Variants in CARMIL3 observed in about 807,000 individuals in gnomAD.
CARMIL3 encodes the protein capping protein, Arp2/3 and myosin-I linker protein 3.
A neutral mutation model predicts 180.8 loss-of-function variants in CARMIL3; 88 were observed. The ratio of observed to expected loss-of-function variants is 0.49; its 90% confidence interval spans 0.41 to 0.58. CARMIL3 has a LOEUF of 0.58. Ranked by LOEUF, CARMIL3 falls within the 20% of genes least tolerant of loss-of-function variation. CARMIL3 has a pLI of 0.00. For synonymous variants in CARMIL3, 696 were observed against 714.5 expected, an observed-to-expected ratio of 0.97 and a Z score of 0.41; for missense variants, 1,548 against 1,787.0, an observed-to-expected ratio of 0.87 and a Z score of 2.41.
At position 24,052,145 on chromosome 14, in the gene CARMIL3, G is replaced by T; in HGVS notation, c.-9G>T. ...CTCCTCTGCAGCAGCCTCAGCAGCA[G>T]CGGCCGCCATGGCCAAGCCCAGCGT... On this transcript the variant is annotated 5_prime_UTR_variant, in exon 1 of 40. Transcript: ENST00000342740. The T allele has an allele frequency of 6.3e-7, 1 of 1,577,850 alleles. No individual in the cohort carries two copies. The highest frequency in any genetic ancestry group is 8.6e-7 in the Non-Finnish European group (1 of 1,167,732).
Position 24,054,652 on chromosome 14 carries a change from G to A in CARMIL3, c.363-59G>A, listed in dbSNP as rs925804203. The A allele has an allele frequency of 1.2e-5, 18 of 1,555,884 alleles. 1 individual carries two copies. The highest frequency in any genetic ancestry group is 3.4e-4 in the Middle Eastern group (2 of 5,932). On this transcript the variant is annotated intron_variant, in intron 5 of 39. Coordinates refer to ENST00000342740, the MANE Select transcript of CARMIL3 (RefSeq NM_138360.4). The surrounding 1 kb of genome is among the most constrained non-coding windows in gnomAD (Gnocchi z 5.1). Reference sequence around the variant, plus strand: ...TTTCCTGGGATGCAGGAGCTATAACGTGGGAAGAACTGAGAGCCTCTTTCC... The same window carrying A: ...TTTCCTGGGATGCAGGAGCTATAACATGGGAAGAACTGAGAGCCTCTTTCC...
At position 24,057,889 on chromosome 14, in the gene CARMIL3, G is replaced by A. The variant is rs1302691568; in HGVS notation, c.1217+10G>A. 6.2e-7 allele frequency: 1 copy of A among 1,613,060 alleles called. No homozygotes were observed. The highest frequency in any genetic ancestry group is 2.2e-5 in the East Asian group (1 of 44,872). ...ACAGCTGCTCCCACAGGTGGGAGAG[G>A]AGGGGGAAGGGAGGACAGGGCAAGA... On this transcript the variant is annotated intron_variant, in intron 15 of 39. Transcript: ENST00000342740.
rs1463197899 is a variant in CARMIL3 at position 24,069,149 on chromosome 14, C to T, written c.3995C>T (p.Pro1332Leu). The change falls in exon 39 of 40, where the codon CCA becomes CTA. Residue 1332 changes from proline to leucine, a missense_variant. Pro to Leu is a moderately conservative substitution (Grantham distance 98, BLOSUM62 -3). This residue lies in a region of CARMIL3 where 668 missense variants were observed against 687.8 expected (regional missense o/e 0.97). Coordinates refer to ENST00000342740, the MANE Select transcript of CARMIL3 (RefSeq NM_138360.4). ...EEPEVQGPPD[P>L]GRRTAPLKPK... ...ATTGTTATTTCAGGGCCCCCTGATC[C>T]AGGCCGGCGGACTGCCCCCCTGAAG... The T allele has an allele frequency of 3.7e-6, 6 of 1,613,916 alleles. No individual in the cohort carries two copies. Among genetic ancestry groups the T allele is most frequent in the Non-Finnish European group, 5.1e-6 (6 of 1,180,000 alleles).
At position 24,058,937 on chromosome 14, in the gene CARMIL3, A is replaced by G. The variant is rs1291878693; in HGVS notation, c.1522A>G (p.Lys508Glu). 6.2e-7 allele frequency: 1 copy of G among 1,614,092 alleles called. No individual in the cohort carries two copies. The highest frequency in any genetic ancestry group is 1.3e-5 in the African/African-American group (1 of 74,926). ...LTLVPALGKN[K>E]SLKHLFLGKN... ...ACTGGTGCCTGCACTTGGCAAGAAC[A>G]AGTCCCTCAAGCACCTGTTTTTGGG... Residue 508 changes from lysine to glutamate, a missense_variant, in exon 19 of 40, where the codon AAG (lysine) becomes GAG (glutamate). Coordinates refer to ENST00000342740, the MANE Select transcript of CARMIL3 (RefSeq NM_138360.4). The surrounding 1 kb of genome is among the most constrained non-coding windows in gnomAD (Gnocchi z 6.4).
intron 11 of CARMIL3, 69 bp from the exon 12 acceptor site, chr14:24,056,553 C>T: frequency 1.3e-6 from 2 of 1,551,976 alleles, no homozygotes; most frequent in Non-Finnish European, 1.8e-6. Context: ...GAGCCCCCAA[C>T]CTGACTCTGT....
chr14:24,069,118 G>A lies in CARMIL3; in HGVS notation c.3983-19G>A, dbSNP rs78975267. ...TGAGCCCCACTCCTGTGTTAGGCCT[G>A]CCTTGATTGTTATTTCAGGGCCCCC... is the stretch of plus-strand genomic sequence containing the variant. On this transcript the variant is annotated intron_variant, in intron 38 of 39. Transcript: ENST00000342740. The A allele has an allele frequency of 2.9e-4, 475 of 1,613,568 alleles. 1 individual carries two copies. In the African/African-American group the frequency reaches 5.7e-3, roughly 19 times the overall value.
intron 31 of CARMIL3, 139 bp downstream of exon 31, chr14:24,063,672 G>A: frequency 1.3e-6 from 1 of 785,816 alleles, no homozygotes; most frequent in East Asian, 2.7e-5. Context: ...ATGAACAGAT[G>A]AGGGATTGCC....
chr14:24,063,197 C>G lies in CARMIL3; in HGVS notation c.2770+14C>G, dbSNP rs750965897. On this transcript the variant is annotated intron_variant, in intron 30 of 39. Transcript: ENST00000342740. The stretch of plus-strand genomic sequence containing the variant: ...CTGCCTTCATCAGTGAGTCTCCCAG[C>G]CTCCGTTCTCATGGACTCCAGACTC... 5.6e-6 allele frequency: 9 copies of G among 1,611,582 alleles called. No homozygotes were observed. Among genetic ancestry groups the G allele is most frequent in the Non-Finnish European group, 7.6e-6 (9 of 1,177,878 alleles).
At chr14:24,062,425 G>A in intron 27 of CARMIL3, 55 bp from the exon 28 acceptor site, 6 of 1,479,666 alleles carry the variant, frequency 4.1e-6, no homozygotes, top group South Asian at 3.4e-5. Flanking sequence ...TGCCTCAGGG[G>A]CCATGCGGGG....
chr14:24,054,414 C>T lies in CARMIL3; in HGVS notation c.265C>T (p.Arg89Cys). 5 of 1,614,106 alleles carry T rather than the reference C, an allele frequency of 3.1e-6. No individual in the cohort carries two copies. Among genetic ancestry groups the T allele is most frequent in the South Asian group, 1.1e-5 (1 of 91,082 alleles). The change falls in exon 5 of 40, where the codon CGT becomes TGT. Residue 89 changes from arginine (R) to cysteine (C), a missense_variant. By Grantham distance (180) the Arg-to-Cys change is radical. Around this residue, in one of 4 missense-constraint regions of CARMIL3, gnomAD observed 578 missense variants for 666.5 expected, o/e 0.87. Transcript: ENST00000342740. This position sits in a 1 kb window ranked among gnomAD's most constrained non-coding sequence, Gnocchi z 5.1. ...CCCCCAGATCCTGGTGGAGACGGAG[C>T]GTGGCATGGTGAGCATGCGACTGCC... Reference protein sequence around the residue: ...SQNQILVETERGMVSMRLPSA... With the variant: ...SQNQILVETECGMVSMRLPSA...
At position 24,053,700 on chromosome 14, in the gene CARMIL3, C is replaced by T; in HGVS notation, c.41-9C>T. ...GTGAAGCTCTGAGCAGGCTCCCACC[C>T]CCCCTCAGACAGCATCCGGAGGTGC... On this transcript the variant is annotated splice_polypyrimidine_tract_variant and intron_variant, in intron 1 of 39. Coordinates refer to ENST00000342740, the MANE Select transcript of CARMIL3 (RefSeq NM_138360.4). 6.2e-7 allele frequency: 1 copy of T among 1,601,988 alleles called. No individual in the cohort carries two copies. The highest frequency in any genetic ancestry group is 1.3e-5 in the African/African-American group (1 of 74,780).
intron 30 of CARMIL3, 64 bp from the exon 31 acceptor site, chr14:24,063,260 CT>C (rs2035750932): frequency 5.0e-6 from 8 of 1,592,784 alleles, no homozygotes; most frequent in African/African-American, 1.3e-5. Flanking sequence ...GATTTTTTCT[CT>C]GTCTCCCCAT....
At chr14:24,056,420 C>G (rs760044306) in intron 11 of CARMIL3, 27 bp downstream of exon 11, 2 of 1,600,816 alleles carry the variant, frequency 1.2e-6, no homozygotes, top group South Asian at 1.1e-5. Flanking sequence ...AATCCTGTCC[C>G]CATCCCAATG....
chr14:24,065,501 T>C (rs1389193794), intron 33 of CARMIL3, 121 bp from the exon 34 acceptor site: 16 of 1,417,950 alleles, frequency 1.1e-5, no homozygotes, highest in Non-Finnish European at 1.5e-5. Flanking sequence ...TCAGAGGGTC[T>C]CTGCAGGGCT....
At chr14:24,066,158 GT>G (rs1260341842) in intron 34 of CARMIL3, among the ~76,000 whole-genome samples, 2 of 152,058 alleles carry the variant, frequency 1.3e-5, no homozygotes, top group African/African-American at 2.4e-5. Flanking sequence ...AATGAGTCGT[GT>G]TTTTTTCTAC....
chr14:24,057,653 A>G (rs922282800), intron 14 of CARMIL3, 150 bp from the exon 15 acceptor site: 27 of 684,304 alleles, frequency 3.9e-5, no homozygotes, highest in Non-Finnish European at 6.7e-5. Flanking sequence ...GACTTCAAGA[A>G]TCTGAGTGGG....
Position 24,057,973 on chromosome 14 carries a change from GC to G in CARMIL3, c.1235del (p.Pro412ArgfsTer14). 3.1e-6 allele frequency: 5 copies of G among 1,613,456 alleles called. No individual in the cohort carries two copies. The highest frequency in any genetic ancestry group is 1.1e-5 in the South Asian group (1 of 91,076). On this transcript the variant is annotated frameshift_variant, in exon 16 of 40. Transcript: ENST00000342740. LOFTEE classifies it high-confidence loss of function. ...GTCTCTCCACAGGAAGGGTCGAGAGGCCCCGCCGGCCTTCAAGCAGTTCTTC... is the reference window on the plus strand; with the variant it reads ...GTCTCTCCACAGGAAGGGTCGAGAGGCCCGCCGGCCTTCAAGCAGTTCTTC... ...NSCSHRKGRE[A>X]PPAFKQFFSS...
In CARMIL3 at chr14:24,060,285, T is replaced by A. The variant is rs1273826576; in HGVS notation, c.2061+30T>A. ...ACGTTTCCCTCTGGGACACGGGGCA[T>A]ACCCGGGGCATGCAGGGCACAGTGT... is the stretch of plus-strand genomic sequence containing the variant. On this transcript the variant is annotated intron_variant, in intron 24 of 39. Coordinates refer to ENST00000342740, the MANE Select transcript of CARMIL3 (RefSeq NM_138360.4). 4.3e-6 allele frequency: 7 copies of A among 1,610,426 alleles called. No individual in the cohort carries two copies. In the African/African-American group the frequency reaches 8.0e-5, roughly 18 times the overall value.
At chr14:24,064,166 A>T in intron 31 of CARMIL3, 80 bp from the exon 32 acceptor site, 2 of 916,444 alleles carry the variant, frequency 2.2e-6, no homozygotes, top group African/African-American at 1.7e-5. Flanking sequence ...GTCCAAGCCC[A>T]AAGGGGAATG....
Sources: gnomAD v4.1 joint callset for allele counts (sites outside exome capture counted in the v4.1 genomes callset) on GRCh38, gnomAD v4.1.1 for gene constraint, gnomAD v4.1.1 regional missense constraint, Gnocchi (gnomAD v3.1) non-coding constraint, MANE v1.5 for transcripts, NCBI Gene and HGNC (gene_info 2026-07-23, HGNC 2026-07-21) for gene names.